NRDC: variants seen among roughly 807,000 people sequenced by gnomAD.
NRDC encodes the protein nardilysin.
Under a neutral mutation model 147.1 loss-of-function variants are expected in NRDC, and 54 were observed. The ratio of observed to expected loss-of-function variants is 0.37; its 90% CI spans 0.29 to 0.46. NRDC has a LOEUF of 0.46. NRDC is among the 20% of genes least tolerant of loss of function. The pLI is 1.00. For synonymous variants in NRDC, 440 were observed against 482.1 expected (o/e 0.91, Z 1.14); for missense variants, 1,082 against 1,370.6 (o/e 0.79, Z 3.33).
At chr1:51,861,280 T>TC (rs1388018644) in intron 1 of NRDC, among the ~76,000 whole-genome samples, 1,802 of 149,428 alleles carry the variant, frequency 0.012, 36 homozygotes, top group African/African-American at 0.041. Context: ...TTTTTTTTTT[T>TC]TTTTGAGACA....
chr1:51,855,416 G>GA lies in NRDC; in HGVS notation c.342-14903dup, dbSNP rs988433755. ...AAAAGGAAAGAATGTTTTTATTTAA[G>GA]AAAAAAAAATTGGTATAATATTTGG... On this transcript the variant is annotated intron_variant, in intron 1 of 30. Transcript: ENST00000352171. 7.6e-5 allele frequency among the ~76,000 whole-genome samples: 11 copies of GA among 144,616 alleles called. No homozygotes were observed. In the East Asian group the frequency reaches 8.0e-4, roughly 11 times the overall value. The allele number at this position is 144,616 out of a possible 152,430, so 94.9% of individuals were successfully genotyped here.
chr1:51,838,205 C>T (rs761658805), intron 2 of NRDC, among the ~76,000 whole-genome samples: 1 of 152,134 alleles, frequency 6.6e-6, no homozygotes, highest in East Asian at 1.9e-4. Context: ...GATTATATCA[C>T]ACTGAGTTCT....
chr1:51,848,516 C>A (rs1452791707), intron 1 of NRDC, among the ~76,000 whole-genome samples: 1 of 151,836 alleles, frequency 6.6e-6, no homozygotes, highest in Non-Finnish European at 1.5e-5. Flanking sequence ...GTACAAATAT[C>A]GAAAGCTAAA....
At chr1:51,873,487 A>AT (rs753591144) in intron 1 of NRDC, among the ~76,000 whole-genome samples, 1 of 129,904 alleles carries the variant, frequency 7.7e-6, no homozygotes, top group Non-Finnish European at 1.6e-5. Flanking sequence ...ATTTTTATTT[A>AT]TTTATTTATT....
chr1:51,878,705 C>T lies in NRDC; in HGVS notation c.-90G>A. On this transcript the variant is annotated 5_prime_UTR_variant, in exon 1 of 31. Coordinates refer to ENST00000352171, the MANE Select transcript of NRDC (RefSeq NM_001101662.2). ...GCGGTGGCGGCCGGCCCTGGTGCTG[C>T]CGCAGCCGCGGGGAACAGGCCTGAA... The T allele has an allele frequency of 8.3e-7, 1 of 1,201,418 alleles. No individual in the cohort carries two copies. The highest frequency in any genetic ancestry group is 1.4e-5 in the South Asian group (1 of 69,894). The allele number at this position is 1,201,418 out of a possible 1,614,324, so 74.4% of individuals were successfully genotyped here.
intron 2 of NRDC, among the ~76,000 whole-genome samples, chr1:51,837,104 G>C (rs568948194): frequency 6.6e-6 from 1 of 152,020 alleles, no homozygotes; most frequent in South Asian, 2.1e-4. Flanking sequence ...ATTACAGTAA[G>C]TTAAAAGACA....
At chr1:51,802,480 T>C (rs1345389535) in intron 20 of NRDC, among the ~76,000 whole-genome samples, 2 of 152,188 alleles carry the variant, frequency 1.3e-5, no homozygotes, top group East Asian at 3.8e-4. Flanking sequence ...TCCAGGTAAT[T>C]CTAAAACATA....
In NRDC at chr1:51,834,210, T is replaced by A. The variant is rs373239115; in HGVS notation, c.713-40A>T. ...CACAAAGTCACACAACACAAAGATA[T>A]AGAAAATATTTTTATCACACATGAA... On this transcript the variant is annotated intron_variant, in intron 3 of 30. Coordinates refer to ENST00000352171, the MANE Select transcript of NRDC (RefSeq NM_001101662.2). The A allele has an allele frequency of 3.8e-6, 6 of 1,599,776 alleles. No individual in the cohort carries two copies. The South Asian group carries it at 6.7e-5, about 18-fold the overall frequency.
chr1:51,790,247 ACT>A (rs1442339718), intron 29 of NRDC, among the ~76,000 whole-genome samples: 2 of 152,146 alleles, frequency 1.3e-5, no homozygotes, highest in Non-Finnish European at 2.9e-5. Flanking sequence ...AAACGGCAAA[ACT>A]CTTTTTCTCC....
intron 20 of NRDC, chr1:51,801,291 A>C (rs1460092220): frequency 6.6e-6 from 1 of 152,304 alleles, no homozygotes; most frequent in African/African-American, 2.4e-5. Flanking sequence ...AAATAAATGT[A>C]AGATTGTTTC....
intron 1 of NRDC, among the ~76,000 whole-genome samples, chr1:51,875,343 C>T (rs1333084175): frequency 2.0e-5 from 3 of 151,118 alleles, no homozygotes; most frequent in African/African-American, 4.8e-5. Flanking sequence ...CAACCCCCTT[C>T]GTTTTTAAAA....
intron 17 of NRDC, among the ~76,000 whole-genome samples, chr1:51,808,076 G>C (rs572261620): frequency 7.2e-5 from 11 of 152,286 alleles, no homozygotes; most frequent in African/African-American, 2.4e-4. Context: ...AAAGTGCTGG[G>C]ATTACAGGTA....
chr1:51,826,934 T>C (rs993065706), intron 5 of NRDC, among the ~76,000 whole-genome samples: 1 of 152,238 alleles, frequency 6.6e-6, no homozygotes. Context: ...AGATAACAGT[T>C]CTTGAGTCTC....
rs2842581 is a variant in NRDC at position 51,800,448 on chromosome 1, C to A, written c.2441+108G>T. 4.0e-6 allele frequency: 5 copies of A among 1,248,710 alleles called. No individual in the cohort carries two copies. The African/African-American group carries it at 5.9e-5, about 15-fold the overall frequency. 77.4% of individuals were successfully genotyped at this position (1,248,710 alleles called of 1,614,324 possible). On this transcript the variant is annotated intron_variant, in intron 21 of 30. Coordinates refer to ENST00000352171, the MANE Select transcript of NRDC (RefSeq NM_001101662.2). Reference sequence around the variant, plus strand: ...CCTAAACTAGAGCACGATTCAAACACGGATGAAAATTAGCACTGCAACTAT... The same window carrying A: ...CCTAAACTAGAGCACGATTCAAACAAGGATGAAAATTAGCACTGCAACTAT...
chr1:51,819,849 G>C lies in NRDC; in HGVS notation c.1242C>G (p.Gly414=), dbSNP rs1282505133. Residue 414 remains glycine, a synonymous_variant, in exon 9 of 31, where the codon GGC becomes GGG. Transcript: ENST00000352171. The stretch of plus-strand genomic sequence containing the variant: ...GTGTGTCAAATGGATCCGTTAAATG[G>C]CCAAAGTTTGGTCTGGGTAACCCAC... The part of the protein sequence containing the change: ...PNNGLPRPNF[G]HLTDPFDTPA... 2 of 1,607,694 alleles carry C rather than the reference G, an allele frequency of 1.2e-6. No individual in the cohort carries two copies. Among genetic ancestry groups the C allele is most frequent in the Admixed American group, 3.4e-5 (2 of 59,558 alleles).
At chr1:51,814,484 C>T (rs1194026704) in intron 13 of NRDC, 67 bp downstream of exon 13, 13 of 1,480,436 alleles carry the variant, frequency 8.8e-6, no homozygotes, top group Non-Finnish European at 1.2e-5. Context: ...AGCATGTCTA[C>T]CGGCAGCCTG....
intron 1 of NRDC, among the ~76,000 whole-genome samples, chr1:51,853,637 C>T (rs1682094192): frequency 6.6e-6 from 1 of 152,178 alleles, no homozygotes; most frequent in Admixed American, 6.5e-5. Context: ...GCAGCAATAG[C>T]TGTCTAGCAG....
At chr1:51,828,444 T>G (rs58867021) in intron 4 of NRDC, among the ~76,000 whole-genome samples, 3,961 of 152,232 alleles carry the variant, frequency 0.026, 120 homozygotes, top group South Asian at 0.097. Context: ...TCAATGCAAG[T>G]TTACAGATGA....
In NRDC at chr1:51,791,812, C is replaced by T. The variant is rs1461240071; in HGVS notation, c.2877-151G>A. 7.0e-6 allele frequency: 5 copies of T among 718,840 alleles called. No homozygotes were observed. The East Asian group carries it at 1.3e-4, about 19-fold the overall frequency. 44.5% of individuals were successfully genotyped at this position (718,840 alleles called of 1,614,324 possible). ...ACCCAAAAATGTTAAGGTGTCCATA[C>T]CTCTCCTGAATTGGGGACCACAAAC... On this transcript the variant is annotated intron_variant, in intron 26 of 30. Coordinates refer to ENST00000352171, the MANE Select transcript of NRDC (RefSeq NM_001101662.2).
Sources: gnomAD v4.1 joint callset for allele counts (sites outside exome capture counted in the v4.1 genomes callset) on GRCh38, gnomAD v4.1.1 for gene constraint, MANE v1.5 for transcripts, NCBI Gene and HGNC (gene_info 2026-07-23, HGNC 2026-07-21) for gene names.